The following RSRC2 variants were observed in gnomAD, a reference collection of about 807,000 sequenced individuals.
The protein encoded by RSRC2 is arginine/serine-rich coiled-coil protein 2.
RSRC2 carries 5 observed loss-of-function variants against 61.3 expected under a neutral mutation model. The observed-to-expected ratio is 0.08, with a 90% CI of 0.04 to 0.17. The LOEUF is 0.17. Among genes scored for constraint, RSRC2 ranks in the 10% least tolerant of loss-of-function variants. The pLI is 1.00. For synonymous variants in RSRC2, 202 were observed against 166.5 expected (o/e 1.21, Z -1.64); for missense variants, 381 against 518.8 (o/e 0.73, Z 2.58).
chr12:122,513,819 C>G, intron 6 of RSRC2: 1 of 985,300 alleles, frequency 1.0e-6, no homozygotes, highest in South Asian at 4.7e-5. Flanking sequence ...CCCAGGGAAG[C>G]ACATCAGGTT....
intron 1 of RSRC2, among the ~76,000 whole-genome samples, chr12:122,524,041 G>C (rs1226417085): frequency 6.6e-6 from 1 of 152,076 alleles, no homozygotes; most frequent in Non-Finnish European, 1.5e-5. Flanking sequence ...CTCCAGTCTG[G>C]GTGACTTCTG....
rs1958136999 is a variant in RSRC2 at position 122,506,700 on chromosome 12, T to C, written c.1125+134A>G. ...GTTTCAGAATGGGATTGCTTGTTAT[T>C]TCACAAAAGGTGGTGGGAAAGAACT... On this transcript the variant is annotated intron_variant, in intron 9 of 9. Coordinates refer to ENST00000331738, the MANE Select transcript of RSRC2 (RefSeq NM_023012.6). The C allele has an allele frequency of 4.5e-6, 3 of 660,010 alleles. No homozygotes were observed. In the East Asian group the frequency reaches 7.6e-5, roughly 17 times the overall value. 40.9% of individuals were successfully genotyped at this position (660,010 alleles called of 1,614,324 possible). A position where few individuals can be genotyped will look rare whatever the true frequency, so the allele number is the denominator to read the frequency against.
At chr12:122,513,745 T>C in intron 6 of RSRC2, 1 of 982,280 alleles carries the variant, frequency 1.0e-6, no homozygotes, top group Non-Finnish European at 1.2e-6. Context: ...CTAAGGTGAA[T>C]GGAAAGAAGG....
chr12:122,508,568 A>T, intron 7 of RSRC2, 121 bp from the exon 8 acceptor site: 1 of 718,750 alleles, frequency 1.4e-6, no homozygotes. Flanking sequence ...ATTTTCACCA[A>T]ATCCAAGGAA....
intron 6 of RSRC2, among the ~76,000 whole-genome samples, chr12:122,512,629 T>C (rs1958611520): frequency 6.7e-6 from 1 of 149,636 alleles, no homozygotes; most frequent in Non-Finnish European, 1.5e-5. Flanking sequence ...CTACTTGGGG[T>C]GCTGAGGCAG....
chr12:122,516,968 C>T (rs1325952745), intron 5 of RSRC2, among the ~76,000 whole-genome samples: 3 of 152,116 alleles, frequency 2.0e-5, no homozygotes, highest in African/African-American at 7.2e-5. Flanking sequence ...GTGTAAACCA[C>T]GACACCTAGC....
At chr12:122,517,984 G>A (rs1417201969) in intron 4 of RSRC2, among the ~76,000 whole-genome samples, 1 of 152,250 alleles carries the variant, frequency 6.6e-6, no homozygotes, top group South Asian at 2.1e-4. Context: ...GATTTTTTCA[G>A]TGCCAGACAG....
chr12:122,504,682 G>A lies in RSRC2; in HGVS notation c.*845C>T, dbSNP rs1958014644. ...TTTTAATATTTTATAGTCTATGCTGGAGAAGACTTCAAAGGGATAATGAGC... is the reference window on the plus strand; with the variant it reads ...TTTTAATATTTTATAGTCTATGCTGAAGAAGACTTCAAAGGGATAATGAGC... On this transcript the variant is annotated 3_prime_UTR_variant, in exon 10 of 10. Transcript: ENST00000331738. The A allele has an allele frequency of 6.6e-6, 1 of 152,560 alleles. No individual in the cohort carries two copies. The highest frequency in any genetic ancestry group is 1.5e-5 in the Non-Finnish European group (1 of 68,034). 9.5% of individuals were successfully genotyped at this position (152,560 alleles called of 1,614,324 possible).
At chr12:122,523,581 C>A (rs562780829) in intron 1 of RSRC2, 1 of 152,296 alleles carries the variant, frequency 6.6e-6, no homozygotes, top group South Asian at 2.1e-4. Context: ...ATGGACTTTT[C>A]ACGTATAACA....
chr12:122,513,878 C>CA, intron 6 of RSRC2: 2 of 898,582 alleles, frequency 2.2e-6, no homozygotes, highest in Non-Finnish European at 2.7e-6. Flanking sequence ...GTCTTCTCTA[C>CA]AAAAAATACA....
intron 7 of RSRC2, among the ~76,000 whole-genome samples, 197 bp from the exon 8 acceptor site, chr12:122,508,644 T>G (rs913112842): frequency 1.1e-4 from 16 of 152,198 alleles, no homozygotes; most frequent in African/African-American, 3.6e-4. Flanking sequence ...GACATATTTC[T>G]ACATAAACCC....
At chr12:122,512,983 A>G (rs1166861593) in intron 6 of RSRC2, among the ~76,000 whole-genome samples, 4 of 151,952 alleles carry the variant, frequency 2.6e-5, no homozygotes, top group Non-Finnish European at 5.9e-5. Context: ...GCTTGAGGCC[A>G]GCAGTTCGAG....
At chr12:122,511,015 C>T in intron 7 of RSRC2, 94 bp downstream of exon 7, 2 of 875,844 alleles carry the variant, frequency 2.3e-6, no homozygotes, top group East Asian at 2.6e-5. Flanking sequence ...AGCCACTGCA[C>T]TCCAGTCAGA....
chr12:122,523,158 T>C (rs1379569821), intron 1 of RSRC2: 2 of 152,248 alleles, frequency 1.3e-5, no homozygotes, highest in Non-Finnish European at 2.9e-5. Context: ...TTTAAAACTA[T>C]TTTAGGCATA....
chr12:122,521,086 C>T, intron 3 of RSRC2: 2 of 304,850 alleles, frequency 6.6e-6, no homozygotes. Context: ...AGACTCGGGA[C>T]CTCAGATTAA....
Position 122,519,003 on chromosome 12 carries a change from T to C in RSRC2, c.234A>G (p.Lys78=). The C allele has an allele frequency of 6.2e-7, 1 of 1,613,624 alleles. No homozygotes were observed. The highest frequency in any genetic ancestry group is 8.5e-7 in the Non-Finnish European group (1 of 1,179,846). The change falls in exon 4 of 10, where the codon AAA becomes AAG. Residue 78 remains lysine (K), a synonymous_variant. Coordinates refer to ENST00000331738, the MANE Select transcript of RSRC2 (RefSeq NM_023012.6). ...CCTCAGACTTATGTTTCTTAGAGGA[T>C]TTATCTTTGGATTCATGTCTTCTTC... ...KEGRRHESKD[K]SSKKHKSEEH...
chr12:122,506,058 G>T (rs940471106), intron 9 of RSRC2, among the ~76,000 whole-genome samples: 2 of 152,052 alleles, frequency 1.3e-5, no homozygotes, highest in African/African-American at 4.8e-5. Flanking sequence ...GAAGTGTTGG[G>T]ATTACAGGTG....
intron 7 of RSRC2, among the ~76,000 whole-genome samples, chr12:122,509,267 T>C (rs1286526251): frequency 6.6e-6 from 1 of 151,464 alleles, no homozygotes; most frequent in Non-Finnish European, 1.5e-5. Context: ...GCCAACATAG[T>C]GAAACCCCGT....
intron 1 of RSRC2, among the ~76,000 whole-genome samples, chr12:122,525,823 T>TCGGAAACCGCGCA (rs1960196411): frequency 4.6e-5 from 1 of 21,872 alleles, no homozygotes; most frequent in African/African-American, 4.3e-4. Context: ...TTTTTTTTTT[T>TCGGAAACCGCGCA]TTTTTTTTTT....
Sources: gnomAD v4.1 joint callset for allele counts (sites outside exome capture counted in the v4.1 genomes callset) on GRCh38, gnomAD v4.1.1 for gene constraint, MANE v1.5 for transcripts, NCBI Gene and HGNC (gene_info 2026-07-23, HGNC 2026-07-21) for gene names.